The following IRF4 variants were observed in gnomAD, a reference collection of about 807,000 sequenced individuals.
IRF4 encodes interferon regulatory factor 4.
A neutral mutation model predicts 55.5 loss-of-function variants in IRF4; 13 were observed. The observed-to-expected ratio is 0.23, with a 90% confidence interval of 0.15 to 0.37. The LOEUF (loss-of-function observed/expected upper bound fraction) is 0.37, where lower values mean the gene tolerates loss of function less well. Ranked by LOEUF, IRF4 falls within the 10% of genes least tolerant of loss-of-function variation. The pLI is 1.00. For synonymous variants in IRF4, 249 were observed against 240.7 expected (o/e 1.03, Z -0.32); for missense variants, 397 against 593.8 (o/e 0.67, Z 3.44).
intron 6 of IRF4, among the ~76,000 whole-genome samples, chr6:400,839 T>A (rs1347933566): frequency 6.6e-6 from 1 of 152,130 alleles, no homozygotes. Flanking sequence ...CTAAATGATG[T>A]CATGTTATTA....
intron 8 of IRF4, among the ~76,000 whole-genome samples, chr6:405,356 A>G (rs1464711829): frequency 6.6e-6 from 1 of 152,230 alleles, no homozygotes; most frequent in Non-Finnish European, 1.5e-5. Context: ...ACCAGGGAGG[A>G]CAGCCTCAAA....
At chr6:401,941 C>T in intron 7 of IRF4, 164 bp downstream of exon 7, 1 of 623,968 alleles carries the variant, frequency 1.6e-6, no homozygotes, top group Non-Finnish European at 2.8e-6. Flanking sequence ...TTCTGTCTGG[C>T]TCTGTTGTGG....
chr6:403,206 C>T (rs564373120), intron 7 of IRF4, among the ~76,000 whole-genome samples: 230 of 152,312 alleles, frequency 1.5e-3, no homozygotes, highest in Middle Eastern at 3.4e-3. Context: ...TCCCATCCTT[C>T]TTGGGGTTGG....
At chr6:403,806 C>G (rs966992080) in intron 7 of IRF4, among the ~76,000 whole-genome samples, 1 of 152,160 alleles carries the variant, frequency 6.6e-6, no homozygotes, top group Non-Finnish European at 1.5e-5. Context: ...ACCAAACACT[C>G]TCATGTTATC....
chr6:408,440 ACTTC>A lies in IRF4; in HGVS notation c.*845_*848del, dbSNP rs1344840937. ...GCCTTTCCTGGAAGCCAGTTAGTAA[ACTTC>A]CTATTTTCTTGAGTCAAAAAACATG... On this transcript the variant is annotated 3_prime_UTR_variant, in exon 9 of 9. Coordinates refer to ENST00000380956, the MANE Select transcript of IRF4 (RefSeq NM_002460.4). 1 of 229,404 alleles carries A rather than the reference ACTTC, an allele frequency of 4.4e-6. No individual in the cohort carries two copies. The highest frequency in any genetic ancestry group is 8.6e-6 in the Non-Finnish European group (1 of 115,918). 14.2% of individuals were successfully genotyped at this position (229,404 alleles called of 1,614,324 possible).
At position 393,379 on chromosome 6, in the gene IRF4, T is replaced by G. The variant is rs1225382905; in HGVS notation, c.216+11T>G. The G allele has an allele frequency of 7.0e-7, 1 of 1,433,814 alleles. No individual in the cohort carries two copies. Among genetic ancestry groups the G allele is most frequent in the South Asian group, 1.2e-5 (1 of 82,998 alleles). 88.8% of individuals were successfully genotyped at this position (1,433,814 alleles called of 1,614,324 possible). Reference sequence around the variant, plus strand: ...GCCGCGCTCTTCAAGGTCTCCGGCCTCGGGAGCCGGCGGGGGCGCGCCGGG... The same window carrying G: ...GCCGCGCTCTTCAAGGTCTCCGGCCGCGGGAGCCGGCGGGGGCGCGCCGGG... On this transcript the variant is annotated intron_variant, in intron 2 of 8. Coordinates refer to ENST00000380956, the MANE Select transcript of IRF4 (RefSeq NM_002460.4). The surrounding 1 kb of genome is among the most constrained non-coding windows in gnomAD (Gnocchi z 5.4).
rs1761686498 is a variant in IRF4 at position 410,967 on chromosome 6, A to C, written c.*3369A>C. The C allele has an allele frequency of 4.4e-6, 1 of 228,570 alleles. No individual in the cohort carries two copies. The highest frequency in any genetic ancestry group is 2.3e-5 in the African/African-American group (1 of 43,868). 14.2% of individuals were successfully genotyped at this position (228,570 alleles called of 1,614,324 possible). ...AGGTGGATCTCCTTGAGATCCTGAT[A>C]GCCTGTTACAGGAATGAAGTAAAGG... On this transcript the variant is annotated 3_prime_UTR_variant, in exon 9 of 9. Transcript: ENST00000380956.
Position 409,150 on chromosome 6 carries a change from C to G in IRF4, c.*1552C>G, listed in dbSNP as rs937407073. 1 of 210,406 alleles carries G rather than the reference C, an allele frequency of 4.8e-6. No individual in the cohort carries two copies. The highest frequency in any genetic ancestry group is 9.7e-6 in the Non-Finnish European group (1 of 103,398). The allele number at this position is 210,406 out of a possible 1,614,324, so 13.0% of individuals were successfully genotyped here. On this transcript the variant is annotated 3_prime_UTR_variant, in exon 9 of 9. Coordinates refer to ENST00000380956, the MANE Select transcript of IRF4 (RefSeq NM_002460.4). Reference sequence around the variant, plus strand: ...TATTTTAAATTCATTCAACAAGCACCTAGTAAGTGCCTGCTGTATCCCTAC... The same window carrying G: ...TATTTTAAATTCATTCAACAAGCACGTAGTAAGTGCCTGCTGTATCCCTAC...
rs539275090 is a variant in IRF4 at position 391,861 on chromosome 6, G to A, written c.-56+52G>A. On this transcript the variant is annotated intron_variant, in intron 1 of 8. Coordinates refer to ENST00000380956, the MANE Select transcript of IRF4 (RefSeq NM_002460.4). ...GGGGTGTGAGGCTGATACCAGAGAG[G>A]ACCCGGAGCGCGAACCAGAGGTTCG... is the stretch of plus-strand genomic sequence containing the variant. 14 of 454,520 alleles carry A rather than the reference G, an allele frequency of 3.1e-5. 3 individuals carry two copies. The highest frequency in any genetic ancestry group is 2.2e-4 in the African/African-American group (11 of 50,140). The allele number at this position is 454,520 out of a possible 1,614,324, so 28.2% of individuals were successfully genotyped here.
In IRF4 at chr6:393,739, G is replaced by GGTCCCCCTCGCCCTCTCCGTGC. The variant is rs1761183630; in HGVS notation, c.216+376_216+397dup. On this transcript the variant is annotated intron_variant, in intron 2 of 8. Transcript: ENST00000380956. The surrounding 1 kb of genome is among the most constrained non-coding windows in gnomAD (Gnocchi z 5.4). ...CTCCCGTCTGCCGCCTCCGTCCGTG[G>GGTCCCCCTCGCCCTCTCCGTGC]GTCCCCCTCGCCCTCTCCGTGCGTC... Among the ~76,000 whole-genome samples, 2 of 152,180 alleles carry GGTCCCCCTCGCCCTCTCCGTGC rather than the reference G, an allele frequency of 1.3e-5. No individual in the cohort carries two copies. Among genetic ancestry groups the GGTCCCCCTCGCCCTCTCCGTGC allele is most frequent in the Non-Finnish European group, 2.9e-5 (2 of 68,020 alleles).
intron 6 of IRF4, among the ~76,000 whole-genome samples, chr6:399,545 C>G (rs537951021): frequency 6.7e-6 from 1 of 149,796 alleles, no homozygotes; most frequent in South Asian, 2.1e-4. Context: ...ATCTTACCTA[C>G]TATAAAGAAG....
rs1761600075 is a variant in IRF4, at chr6:408,165, G to A, written c.*567G>A. ...ATTGACACTGACTAGAGTGATGACT[G>A]CTTGTAGGTATGTCTGTGCCATTTC... On this transcript the variant is annotated 3_prime_UTR_variant, in exon 9 of 9. Transcript: ENST00000380956. 4.3e-6 allele frequency: 1 copy of A among 234,254 alleles called. No homozygotes were observed. The highest frequency in any genetic ancestry group is 8.4e-6 in the Non-Finnish European group (1 of 118,598). 14.5% of individuals were successfully genotyped at this position (234,254 alleles called of 1,614,324 possible).
Position 394,822 on chromosome 6 carries a change from C to A in IRF4, c.218C>A (p.Ala73Asp). 6.2e-7 allele frequency: 1 copy of A among 1,612,208 alleles called. No homozygotes were observed. The highest frequency in any genetic ancestry group is 2.2e-5 in the East Asian group (1 of 44,884). ...NREEDAALFK[A>D]WALFKGKFRE... ...GTTCTCTTCATTCTTTCCCACCAGG[C>A]TTGGGCACTGTTTAAAGGAAAGTTC... The change falls in exon 3 of 9, where the codon GCT becomes GAT. Residue 73 changes from alanine (A) to aspartate (D), a missense_variant and splice_region_variant. Physicochemically the swap from Ala to Asp is moderately radical, Grantham distance 126. This residue lies in a region of IRF4 where 341 missense variants were observed against 548.1 expected (regional missense o/e 0.62). Transcript: ENST00000380956.
intron 8 of IRF4, among the ~76,000 whole-genome samples, chr6:407,115 AAATT>A (rs751231256): frequency 3.3e-5 from 5 of 152,242 alleles, no homozygotes; most frequent in South Asian, 2.1e-4. Context: ...TCATTGGCCT[AAATT>A]ACCCTGCAGA....
At chr6:392,635 A>G (rs1174363745) in intron 1 of IRF4, among the ~76,000 whole-genome samples, 4 of 152,100 alleles carry the variant, frequency 2.6e-5, no homozygotes, top group Admixed American at 2.0e-4. Flanking sequence ...GCCCGGCCGC[A>G]GGCGAGGTCC....
intron 7 of IRF4, among the ~76,000 whole-genome samples, chr6:403,406 G>GGT (rs1761460096): frequency 6.6e-6 from 1 of 152,276 alleles, no homozygotes; most frequent in Admixed American, 6.5e-5. Context: ...GATACCACAA[G>GGT]GTGAGGGCTT....
rs1761397638 is a variant in IRF4 at position 401,437 on chromosome 6, C to T, written c.759C>T (p.His253=). Residue 253 remains histidine (H), a synonymous_variant, in exon 7 of 9, where the codon CAC becomes CAT. Coordinates refer to ENST00000380956, the MANE Select transcript of IRF4 (RefSeq NM_002460.4). ...EALAFSDCRL[H]ICLYYREILV... is the part of the protein sequence containing the mutation. ...CTGTGTTTGCAGACTGCCGGCTGCA[C>T]ATCTGCCTGTACTACCGGGAAATCC... The T allele has an allele frequency of 6.2e-7, 1 of 1,612,544 alleles. No homozygotes were observed. Among genetic ancestry groups the T allele is most frequent in the Non-Finnish European group, 8.5e-7 (1 of 1,179,660 alleles).
At position 410,931 on chromosome 6, in the gene IRF4, G is replaced by A. The variant is rs1761685634; in HGVS notation, c.*3333G>A. 8.6e-6 allele frequency: 2 copies of A among 232,624 alleles called. No individual in the cohort carries two copies. The highest frequency in any genetic ancestry group is 1.2e-4 in the East Asian group (2 of 16,650). The allele number at this position is 232,624 out of a possible 1,614,324, so 14.4% of individuals were successfully genotyped here. A position where few individuals can be genotyped will look rare whatever the true frequency, so the allele number is the denominator to read the frequency against. On this transcript the variant is annotated 3_prime_UTR_variant, in exon 9 of 9. Coordinates refer to ENST00000380956, the MANE Select transcript of IRF4 (RefSeq NM_002460.4). ...TTTTACATGCCCCGTTTTTGAGACT[G>A]ATCTCGATGCAGGTGGATCTCCTTG...
Position 400,145 on chromosome 6 carries a change from A to T in IRF4, c.745+1210A>T, listed in dbSNP as rs949360071. 3.9e-5 allele frequency among the ~76,000 whole-genome samples: 6 copies of T among 152,304 alleles called. No homozygotes were observed. The East Asian group carries it at 1.2e-3, about 29-fold the overall frequency. The stretch of plus-strand genomic sequence containing the variant: ...GTTGAAGCAGAGAATTGAGACAGTG[A>T]TGTGGGTTAAGTCTCAAAACCTGCT... On this transcript the variant is annotated intron_variant, in intron 6 of 8. Coordinates refer to ENST00000380956, the MANE Select transcript of IRF4 (RefSeq NM_002460.4).
Sources: gnomAD v4.1 joint callset for allele counts (sites outside exome capture counted in the v4.1 genomes callset) on GRCh38, gnomAD v4.1.1 for gene constraint, gnomAD v4.1.1 regional missense constraint, Gnocchi (gnomAD v3.1) non-coding constraint, MANE v1.5 for transcripts, NCBI Gene and HGNC (gene_info 2026-07-23, HGNC 2026-07-21) for gene names.